The following GSG1L variants were observed in gnomAD, a reference collection of about 807,000 sequenced individuals.
GSG1L encodes the protein germ cell-specific gene 1-like protein.
Under a neutral mutation model 42.1 loss-of-function variants are expected in GSG1L, and 24 were observed. That is an observed-to-expected ratio of 0.57 (90% confidence interval 0.41 to 0.80). The LOEUF is 0.80. Ranked by LOEUF, GSG1L falls within the 30% of genes least tolerant of loss-of-function variation. GSG1L has a pLI of 0.00. For missense variants in GSG1L, 445 were observed against 472.2 expected, an observed-to-expected ratio of 0.94 and a Z score of 0.53; for synonymous variants, 215 against 203.5, an observed-to-expected ratio of 1.06 and a Z score of -0.48.
At chr16:27,935,989 C>T (rs2084711751) in intron 2 of GSG1L, among the ~76,000 whole-genome samples, 1 of 151,002 alleles carries the variant, frequency 6.6e-6, no homozygotes, top group African/African-American at 2.4e-5. Flanking sequence ...CTGGGATCTA[C>T]AGGACAACTA....
At chr16:27,994,833 A>G (rs975196910) in intron 1 of GSG1L, among the ~76,000 whole-genome samples, 10 of 152,234 alleles carry the variant, frequency 6.6e-5, no homozygotes, top group Admixed American at 3.9e-4. Flanking sequence ...GGGCCACGAC[A>G]TTGCACATAA....
At chr16:27,928,068 T>C (rs2141069685) in intron 2 of GSG1L, among the ~76,000 whole-genome samples, 1 of 152,318 alleles carries the variant, frequency 6.6e-6, no homozygotes, top group East Asian at 1.9e-4. Context: ...CCCCAGTCCC[T>C]GAGAAAGTGA....
chr16:27,806,732 C>A (rs2082967672), intron 6 of GSG1L, among the ~76,000 whole-genome samples: 1 of 152,206 alleles, frequency 6.6e-6, no homozygotes. Context: ...AGGGCACTGA[C>A]TGTGTCTGCT....
chr16:27,882,048 T>G (rs1399559280), intron 3 of GSG1L, among the ~76,000 whole-genome samples: 1 of 152,208 alleles, frequency 6.6e-6, no homozygotes, highest in Non-Finnish European at 1.5e-5. Context: ...AATCTCATCT[T>G]GAACTGTAGT....
At position 27,789,727 on chromosome 16, in the gene GSG1L, A is replaced by G. The variant is rs1597451555; in HGVS notation, c.*1643T>C. On this transcript the variant is annotated 3_prime_UTR_variant, in exon 7 of 7. Coordinates refer to ENST00000447459, the MANE Select transcript of GSG1L (RefSeq NM_001109763.2). ...GGATGGATGGATGGATGATGGATGG[A>G]TGGATGATGGATAGATAGCTGATGA... The G allele has an allele frequency of 6.6e-6, 1 of 150,886 alleles. No homozygotes were observed. Among genetic ancestry groups the G allele is most frequent in the Non-Finnish European group, 1.5e-5 (1 of 67,656 alleles). 9.3% of individuals were successfully genotyped at this position (150,886 alleles called of 1,614,324 possible).
intron 1 of GSG1L, among the ~76,000 whole-genome samples, chr16:28,021,146 A>T (rs537565643): frequency 6.6e-6 from 1 of 152,268 alleles, no homozygotes; most frequent in East Asian, 1.9e-4. Flanking sequence ...TAATCAGTTC[A>T]TGGTTCTGCG....
At chr16:27,998,785 A>T (rs2085547779) in intron 1 of GSG1L, among the ~76,000 whole-genome samples, 1 of 151,972 alleles carries the variant, frequency 6.6e-6, no homozygotes, top group African/African-American at 2.4e-5. Context: ...CCTTGTTTTT[A>T]AAAAATAAAT....
intron 2 of GSG1L, among the ~76,000 whole-genome samples, chr16:27,887,622 G>A (rs72782184): frequency 6.6e-6 from 1 of 152,132 alleles, no homozygotes; most frequent in Non-Finnish European, 1.5e-5. Flanking sequence ...AATGTCCCGG[G>A]GACATCCAAG....
chr16:28,026,329 G>C (rs1202340936), intron 1 of GSG1L, among the ~76,000 whole-genome samples: 1 of 152,174 alleles, frequency 6.6e-6, no homozygotes, highest in East Asian at 1.9e-4. Context: ...AATGTCACAA[G>C]TTCTTCTACT....
At chr16:27,908,319 C>T (rs1386379357) in intron 2 of GSG1L, among the ~76,000 whole-genome samples, 1 of 152,254 alleles carries the variant, frequency 6.6e-6, no homozygotes, top group Non-Finnish European at 1.5e-5. Flanking sequence ...CTGATCACCC[C>T]ACATGTTGAA....
intron 5 of GSG1L, among the ~76,000 whole-genome samples, chr16:27,814,554 G>A (rs561223195): frequency 4.6e-5 from 7 of 152,170 alleles, no homozygotes; most frequent in South Asian, 2.1e-4. Context: ...GCGTGGTGGC[G>A]GGCGCCTATA....
intron 2 of GSG1L, among the ~76,000 whole-genome samples, chr16:27,892,007 A>G (rs1169408250): frequency 6.8e-6 from 1 of 147,622 alleles, no homozygotes; most frequent in Non-Finnish European, 1.5e-5. Context: ...TCACCTGGGC[A>G]CTTGTGGTGC....
chr16:27,837,388 C>A (rs929949088), intron 4 of GSG1L, among the ~76,000 whole-genome samples: 2 of 152,094 alleles, frequency 1.3e-5, no homozygotes, highest in African/African-American at 2.4e-5. Context: ...ACCATATCAG[C>A]CACCATTGAC....
intron 3 of GSG1L, among the ~76,000 whole-genome samples, chr16:27,879,040 TG>T (rs34358044): frequency 6.6e-6 from 1 of 151,872 alleles, no homozygotes; most frequent in Non-Finnish European, 1.5e-5. Flanking sequence ...ATATCAAGGC[TG>T]GGGGGTTTTT....
At chr16:27,980,901 C>CAAAAAAAAAAAA (rs11390148) in intron 1 of GSG1L, among the ~76,000 whole-genome samples, 2 of 127,036 alleles carry the variant, frequency 1.6e-5, no homozygotes, top group Non-Finnish European at 3.3e-5. Context: ...AACCAAAAAA[C>CAAAAAAAAAAAA]AAAAAAAAAA....
intron 5 of GSG1L, among the ~76,000 whole-genome samples, chr16:27,820,712 C>T (rs727836): frequency 0.21 from 32,138 of 151,976 alleles, 4,026 homozygotes; most frequent in Admixed American, 0.37. Context: ...GGGAGTGCAG[C>T]GAGCACTGGC....
At chr16:27,792,897 G>C (rs2082771044) in intron 6 of GSG1L, among the ~76,000 whole-genome samples, 1 of 152,210 alleles carries the variant, frequency 6.6e-6, no homozygotes, top group South Asian at 2.1e-4. Flanking sequence ...ACAGATGAGG[G>C]AGCCGAGGCT....
rs545464502 is a variant in GSG1L at position 27,978,770 on chromosome 16, T to A, written c.350-15567A>T. 4.3e-4 allele frequency among the ~76,000 whole-genome samples: 66 copies of A among 152,100 alleles called. 1 individual carries two copies. Among genetic ancestry groups the A allele is most frequent in the South Asian group, 1.7e-3 (8 of 4,814 alleles). On this transcript the variant is annotated intron_variant, in intron 1 of 6. Coordinates refer to ENST00000447459, the MANE Select transcript of GSG1L (RefSeq NM_001109763.2). Reference sequence around the variant, plus strand: ...TGGGAGTAAATAATGGTTTTTTTTTTTAAATATATATATTTGTTTGGTTGG... The same window carrying A: ...TGGGAGTAAATAATGGTTTTTTTTTATAAATATATATATTTGTTTGGTTGG...
intron 3 of GSG1L, among the ~76,000 whole-genome samples, chr16:27,865,002 G>T (rs1458760188): frequency 6.6e-6 from 1 of 152,192 alleles, no homozygotes; most frequent in East Asian, 1.9e-4. Context: ...AAGGCTCAGG[G>T]TTTGGTTTGG....
Sources: gnomAD v4.1 joint callset for allele counts (sites outside exome capture counted in the v4.1 genomes callset) on GRCh38, gnomAD v4.1.1 for gene constraint, MANE v1.5 for transcripts, NCBI Gene and HGNC (gene_info 2026-07-23, HGNC 2026-07-21) for gene names.